Variants in SIPA1L2 observed in about 807,000 individuals in gnomAD.
The protein encoded by SIPA1L2 is signal-induced proliferation-associated 1-like protein 2.
Under a neutral mutation model 163.9 loss-of-function variants are expected in SIPA1L2, and 56 were observed. The ratio of observed to expected loss-of-function variants is 0.34; its 90% CI spans 0.28 to 0.43. SIPA1L2 has a LOEUF of 0.43. Ranked by LOEUF, SIPA1L2 falls within the 20% of genes least tolerant of loss-of-function variation. SIPA1L2 has a pLI of 1.00. For synonymous variants in SIPA1L2, 877 were observed against 865.7 expected (o/e 1.01, Z -0.23); for missense variants, 1,974 against 2,193.5 (o/e 0.90, Z 2.00).
intron 2 of SIPA1L2, among the ~76,000 whole-genome samples, chr1:232,567,644 G>C (rs761246763): frequency 2.0e-5 from 3 of 152,212 alleles, no homozygotes; most frequent in African/African-American, 4.8e-5. Flanking sequence ...GTATTGGACT[G>C]TGATAGTGTA....
chr1:232,465,361 C>A lies in SIPA1L2; in HGVS notation c.2299G>T (p.Gly767Cys). 1 of 1,613,760 alleles carries A rather than the reference C, an allele frequency of 6.2e-7. No individual in the cohort carries two copies. The highest frequency in any genetic ancestry group is 8.5e-7 in the Non-Finnish European group (1 of 1,179,728). Residue 767 changes from glycine (G) to cysteine (C), a missense_variant, in exon 9 of 23, where the codon GGT (glycine) becomes TGT (cysteine). Gly to Cys is a radical substitution (Grantham distance 159). Transcript: ENST00000674635. The surrounding 1 kb of genome is among the most constrained non-coding windows in gnomAD (Gnocchi z 4.1). ...ACGGCTGACTTTGGAAAAGTTACAC[C>A]TTTGGGAATCGGTGGGCCAAATGGT... ...VPPFGPPIPK[G>C]VTFPKSAVFR...
intron 19 of SIPA1L2, among the ~76,000 whole-genome samples, chr1:232,408,165 A>C (rs1033086560): frequency 3.9e-5 from 6 of 152,186 alleles, no homozygotes; most frequent in Admixed American, 2.0e-4. Context: ...CAAACAAAAT[A>C]ACTGCATACA....
chr1:232,573,167 T>C lies in SIPA1L2; in HGVS notation c.-270+1007A>G, dbSNP rs543398988. 7.3e-4 allele frequency among the ~76,000 whole-genome samples: 111 copies of C among 152,152 alleles called. 1 individual carries two copies. The highest frequency in any genetic ancestry group is 2.7e-3 in the African/African-American group (111 of 41,500). ...TAAAAGACAAAGGCTATGGAAATAA[T>C]GATTGATCAAGGGACACAGCAACTA... On this transcript the variant is annotated intron_variant, in intron 2 of 22. Transcript: ENST00000674635.
At position 232,509,815 on chromosome 1, in the gene SIPA1L2, A is replaced by G. The variant is rs79738724; in HGVS notation, c.1483+4042T>C. 9.2e-5 allele frequency among the ~76,000 whole-genome samples: 14 copies of G among 152,348 alleles called. No homozygotes were observed. The East Asian group carries it at 2.3e-3, about 25-fold the overall frequency. ...TGAAGTCACACTGGACCACAGGGGAAGAGCTAAATATAGGAGGAGGCAGGA... is the reference window on the plus strand; with the variant it reads ...TGAAGTCACACTGGACCACAGGGGAGGAGCTAAATATAGGAGGAGGCAGGA... On this transcript the variant is annotated intron_variant, in intron 3 of 22. Coordinates refer to ENST00000674635, the MANE Select transcript of SIPA1L2 (RefSeq NM_020808.5).
rs150589719 is a variant in SIPA1L2, at chr1:232,508,083, C to T, written c.1483+5774G>A. 2.2e-3 allele frequency among the ~76,000 whole-genome samples: 340 copies of T among 152,274 alleles called. 1 individual carries two copies. The highest frequency in any genetic ancestry group is 7.4e-3 in the African/African-American group (306 of 41,546). ...TCTAAATGAAAAAAAGATATAGATT[C>T]GTCAATCTGATTCCGCATTTTCCCC... On this transcript the variant is annotated intron_variant, in intron 3 of 22. Transcript: ENST00000674635.
intron 1 of SIPA1L2, among the ~76,000 whole-genome samples, chr1:232,598,979 A>AAC (rs1358257985): frequency 1.6e-5 from 2 of 125,102 alleles, no homozygotes; most frequent in Non-Finnish European, 3.6e-5. Context: ...AAAAAAAAAA[A>AAC]AAAACTTCCA....
intron 1 of SIPA1L2, among the ~76,000 whole-genome samples, chr1:232,588,102 GCA>G (rs1214789672): frequency 6.6e-6 from 1 of 152,114 alleles, no homozygotes; most frequent in East Asian, 1.9e-4. Context: ...TGACTCTTGA[GCA>G]CACACACACT....
rs774175171 is a variant in SIPA1L2, at chr1:232,514,090, C to A, written c.1250G>T (p.Gly417Val). Residue 417 changes from glycine to valine, a missense_variant, in exon 3 of 23, where the codon GGA (glycine) becomes GTA (valine). Coordinates refer to ENST00000674635, the MANE Select transcript of SIPA1L2 (RefSeq NM_020808.5). ...LSCPYFRNET[G>V]GEGDRRIALS... is the part of the protein sequence containing the mutation. The stretch of plus-strand genomic sequence containing the variant: ...CGCAATCCGCCTGTCGCCTTCCCCT[C>A]CAGTCTCATTTCTAAAGTAAGGACA... The A allele has an allele frequency of 6.2e-7, 1 of 1,614,186 alleles. No homozygotes were observed. Among genetic ancestry groups the A allele is most frequent in the South Asian group, 1.1e-5 (1 of 91,086 alleles).
chr1:232,514,466 A>G lies in SIPA1L2; in HGVS notation c.874T>C (p.Phe292Leu), dbSNP rs769725266. Residue 292 changes from phenylalanine (F) to leucine (L), a missense_variant, in exon 3 of 23, where the codon TTC (phenylalanine) becomes CTC (leucine). Around this residue, in one of 3 missense-constraint regions of SIPA1L2, gnomAD observed 607 missense variants for 624.0 expected, o/e 0.97. Transcript: ENST00000674635. ...CTTTTAACAGTTCGAAGCTTTCGGA[A>G]GAGAGATGTTTCCACCGACTCTGAT... ...LKSESVETSL[F>L]RKLRTVKSEH... 6.2e-7 allele frequency: 1 copy of G among 1,614,220 alleles called. No individual in the cohort carries two copies. Among genetic ancestry groups the G allele is most frequent in the South Asian group, 1.1e-5 (1 of 91,086 alleles).
chr1:232,530,978 A>ATTTTT (rs1656881829), intron 2 of SIPA1L2, among the ~76,000 whole-genome samples: 1 of 152,226 alleles, frequency 6.6e-6, no homozygotes, highest in Non-Finnish European at 1.5e-5. Flanking sequence ...GAAATCATTT[A>ATTTTT]TATGAGTCCA....
chr1:232,623,281 G>A (rs978890703), intron 1 of SIPA1L2, among the ~76,000 whole-genome samples: 6 of 152,166 alleles, frequency 3.9e-5, no homozygotes, highest in East Asian at 1.9e-4. Context: ...GAATGCTTTC[G>A]TCTGAGTGTG....
chr1:232,506,603 G>A (rs1335954439), intron 3 of SIPA1L2, among the ~76,000 whole-genome samples: 2 of 152,176 alleles, frequency 1.3e-5, no homozygotes, highest in Non-Finnish European at 2.9e-5. Context: ...AATTCTAGAA[G>A]AATCAATTTG....
At chr1:232,566,939 A>G (rs898210766) in intron 2 of SIPA1L2, among the ~76,000 whole-genome samples, 31 of 152,232 alleles carry the variant, frequency 2.0e-4, no homozygotes, top group African/African-American at 7.5e-4. Context: ...ATATATGAAC[A>G]TATAGAAGAT....
Position 232,532,139 on chromosome 1 carries a change from CAA to C in SIPA1L2, c.-269-16533_-269-16532del, listed in dbSNP as rs1343622115. Among the ~76,000 whole-genome samples the C allele has an allele frequency of 3.9e-5, 6 of 152,178 alleles. No homozygotes were observed. In the East Asian group the frequency reaches 1.2e-3, roughly 29 times the overall value. ...GGTAAGGCCACTGCAATAATCCAGG[CAA>C]GAGAGGGTGATGGGGTCTTGAACCA... On this transcript the variant is annotated intron_variant, in intron 2 of 22. Transcript: ENST00000674635.
intron 19 of SIPA1L2, among the ~76,000 whole-genome samples, chr1:232,408,036 G>A (rs557291863): frequency 3.3e-5 from 5 of 152,096 alleles, no homozygotes; most frequent in African/African-American, 4.8e-5. Context: ...ATGATTCTAC[G>A]TAACAAAGGG....
At chr1:232,450,651 G>C (rs1295584063) in intron 10 of SIPA1L2, among the ~76,000 whole-genome samples, 2 of 152,182 alleles carry the variant, frequency 1.3e-5, no homozygotes, top group Non-Finnish European at 2.9e-5. Flanking sequence ...TGAACCCAAA[G>C]ACATCTTTGC....
chr1:232,480,140 TGTGTGTGTGTGTGC>T (rs1281490211), intron 6 of SIPA1L2, among the ~76,000 whole-genome samples: 19 of 134,994 alleles, frequency 1.4e-4, no homozygotes, highest in African/African-American at 3.4e-4. Flanking sequence ...TGGCCGCATC[TGTGTGTGTGTGTGC>T]GTGTGTGTGT....
chr1:232,549,119 CCACCAG>C (rs1380333281), intron 2 of SIPA1L2, among the ~76,000 whole-genome samples: 1 of 152,180 alleles, frequency 6.6e-6, no homozygotes, highest in Non-Finnish European at 1.5e-5. Context: ...TGGGTCTGTG[CCACCAG>C]CACCCTGTCC....
In SIPA1L2 at chr1:232,414,048, C is replaced by A. The variant is rs116287740; in HGVS notation, c.4762+1446G>T. Reference sequence around the variant, plus strand: ...AAACAACTAGACCACCAGCCTGGGGCTTCTAAAATATGCAACTAACTTCTG... The same window carrying A: ...AAACAACTAGACCACCAGCCTGGGGATTCTAAAATATGCAACTAACTTCTG... On this transcript the variant is annotated intron_variant, in intron 19 of 22. Coordinates refer to ENST00000674635, the MANE Select transcript of SIPA1L2 (RefSeq NM_020808.5). Among the ~76,000 whole-genome samples, 1,287 of 152,258 alleles carry A rather than the reference C, an allele frequency of 8.5e-3. 8 individuals carry two copies. Among genetic ancestry groups the A allele is most frequent in the Admixed American group, 0.014 (221 of 15,298 alleles).
Sources: gnomAD v4.1 joint callset for allele counts (sites outside exome capture counted in the v4.1 genomes callset) on GRCh38, gnomAD v4.1.1 for gene constraint, gnomAD v4.1.1 regional missense constraint, Gnocchi (gnomAD v3.1) non-coding constraint, MANE v1.5 for transcripts, NCBI Gene and HGNC (gene_info 2026-07-23, HGNC 2026-07-21) for gene names.